Variants in CNTNAP5 observed in about 807,000 individuals in gnomAD.
CNTNAP5 encodes contactin associated protein family member 5, also known as contactin-associated protein-like 5.
In CNTNAP5, 72 loss-of-function variants were observed where a neutral mutation model predicts 150.2. That is an observed-to-expected ratio of 0.48 (90% CI 0.40 to 0.58). CNTNAP5 has a LOEUF of 0.58. CNTNAP5 is among the 20% of genes least tolerant of loss of function. CNTNAP5 has a pLI of 0.00. For missense variants in CNTNAP5, 1,636 were observed against 1,626.2 expected (o/e 1.01, Z -0.10); for synonymous variants, 672 against 619.8 (o/e 1.08, Z -1.25).
rs1193696783 is a variant in CNTNAP5 at position 124,670,169 on chromosome 2, CT to C, written c.2077+22213del. Among the ~76,000 whole-genome samples the C allele has an allele frequency of 9.3e-3, 1,265 of 135,618 alleles. 19 individuals are homozygous for C. Among genetic ancestry groups the C allele is most frequent in the African/African-American group, 0.035 (1,211 of 34,264 alleles). The allele number at this position is 135,618 out of a possible 152,430, so 89.0% of individuals were successfully genotyped here. ...CCTTCCTTCCTTCCTTCCTTCCTTC[CT>C]TCCTTCCTCCCTCTCTTTCTCTTTC... On this transcript the variant is annotated intron_variant, in intron 13 of 23. Coordinates refer to ENST00000682447, the MANE Select transcript of CNTNAP5 (RefSeq NM_001367498.1).
At chr2:124,096,854 C>A (rs112583119) in intron 1 of CNTNAP5, among the ~76,000 whole-genome samples, 14,082 of 152,018 alleles carry the variant, frequency 0.093, 776 homozygotes, top group Non-Finnish European at 0.13. Flanking sequence ...CAGGAGCACA[C>A]CACCATGCCG....
At chr2:124,463,449 G>A (rs1033984974) in intron 6 of CNTNAP5, among the ~76,000 whole-genome samples, 6 of 152,124 alleles carry the variant, frequency 3.9e-5, no homozygotes, top group Admixed American at 6.5e-5. Flanking sequence ...AATATACCCC[G>A]TTGCAAAACC....
chr2:124,766,519 C>T (rs976702472), intron 16 of CNTNAP5, among the ~76,000 whole-genome samples: 2 of 152,052 alleles, frequency 1.3e-5, no homozygotes, highest in South Asian at 2.1e-4. Flanking sequence ...GGAAAAAGAT[C>T]TTCTTAATTG....
At chr2:124,802,693 G>T (rs1558781885) in intron 19 of CNTNAP5, among the ~76,000 whole-genome samples, 1 of 152,148 alleles carries the variant, frequency 6.6e-6, no homozygotes, top group East Asian at 1.9e-4. Context: ...TGATGGCTTT[G>T]CCTTCTCCAC....
intron 4 of CNTNAP5, among the ~76,000 whole-genome samples, chr2:124,432,574 A>G (rs1321853829): frequency 6.6e-6 from 1 of 152,110 alleles, no homozygotes; most frequent in African/African-American, 2.4e-5. Context: ...CCTTCCACTC[A>G]CTGCTGGGCA....
At chr2:124,538,865 A>T (rs1279457442) in intron 10 of CNTNAP5, among the ~76,000 whole-genome samples, 2 of 152,194 alleles carry the variant, frequency 1.3e-5, no homozygotes, top group Non-Finnish European at 1.5e-5. Flanking sequence ...CCTTTACATG[A>T]TCGATATCTC....
At chr2:124,076,958 A>G (rs1482692483) in intron 1 of CNTNAP5, among the ~76,000 whole-genome samples, 1 of 152,156 alleles carries the variant, frequency 6.6e-6, no homozygotes, top group African/African-American at 2.4e-5. Context: ...GGAGCATTTC[A>G]GAACCTCAGT....
chr2:124,792,150 T>G (rs1295542985), intron 18 of CNTNAP5, among the ~76,000 whole-genome samples: 1 of 152,158 alleles, frequency 6.6e-6, no homozygotes, highest in Non-Finnish European at 1.5e-5. Context: ...ATACTGAATA[T>G]ATCTTGGATA....
intron 13 of CNTNAP5, among the ~76,000 whole-genome samples, chr2:124,684,885 A>G (rs1485735870): frequency 6.6e-6 from 1 of 152,144 alleles, no homozygotes; most frequent in African/African-American, 2.4e-5. Context: ...AAGGTCACTG[A>G]GCTAGTGAGT....
At chr2:124,117,816 C>T (rs981406691) in intron 1 of CNTNAP5, among the ~76,000 whole-genome samples, 11 of 152,246 alleles carry the variant, frequency 7.2e-5, no homozygotes, top group Middle Eastern at 3.4e-3. Context: ...CATCTCTGTG[C>T]CTCACTCTCA....
intron 21 of CNTNAP5, among the ~76,000 whole-genome samples, chr2:124,873,065 T>C (rs1311103892): frequency 1.3e-5 from 2 of 152,114 alleles, no homozygotes; most frequent in Admixed American, 6.6e-5. Flanking sequence ...AAATGTTTAA[T>C]TGACTTATGG....
At position 124,707,106 on chromosome 2, in the gene CNTNAP5, A is replaced by G. The variant is rs1247802997; in HGVS notation, c.2078-40123A>G. 6.6e-3 allele frequency among the ~76,000 whole-genome samples: 842 copies of G among 127,840 alleles called. 54 individuals are homozygous for G. Among genetic ancestry groups the G allele is most frequent in the African/African-American group, 0.023 (800 of 34,122 alleles). 83.9% of individuals were successfully genotyped at this position (127,840 alleles called of 152,430 possible). A position where few individuals can be genotyped will look rare whatever the true frequency, so the allele number is the denominator to read the frequency against. On this transcript the variant is annotated intron_variant, in intron 13 of 23. Transcript: ENST00000682447. The stretch of plus-strand genomic sequence containing the variant: ...AAGAGGAAGAAGAAGAAGAGGAAGA[A>G]GAAGAGGAAGAAGAAGAAAGAAGAA...
At chr2:124,798,741 G>A (rs1236982318) in intron 19 of CNTNAP5, among the ~76,000 whole-genome samples, 1 of 152,164 alleles carries the variant, frequency 6.6e-6, no homozygotes, top group Non-Finnish European at 1.5e-5. Context: ...ATTAATAGAA[G>A]GCAATTGTCC....
chr2:124,038,433 T>C (rs767309033), intron 1 of CNTNAP5, among the ~76,000 whole-genome samples: 2 of 152,130 alleles, frequency 1.3e-5, no homozygotes, highest in Non-Finnish European at 2.9e-5. Flanking sequence ...ATTTGTTCAA[T>C]GTCCAGTGCC....
intron 16 of CNTNAP5, among the ~76,000 whole-genome samples, chr2:124,766,520 T>A (rs1369670517): frequency 6.6e-6 from 1 of 152,160 alleles, no homozygotes; most frequent in East Asian, 1.9e-4. Context: ...GAAAAAGATC[T>A]TCTTAATTGG....
chr2:124,537,348 G>T (rs575251759), intron 10 of CNTNAP5, among the ~76,000 whole-genome samples: 1 of 152,266 alleles, frequency 6.6e-6, no homozygotes, highest in East Asian at 1.9e-4. Flanking sequence ...AAATCACAAA[G>T]GTGGTTGTAT....
At chr2:124,704,737 T>G (rs1412693888) in intron 13 of CNTNAP5, among the ~76,000 whole-genome samples, 1 of 152,098 alleles carries the variant, frequency 6.6e-6, no homozygotes, top group Non-Finnish European at 1.5e-5. Context: ...AATCCTGACA[T>G]CATCCGGCTG....
intron 13 of CNTNAP5, among the ~76,000 whole-genome samples, chr2:124,712,869 C>T (rs186211893): frequency 6.6e-6 from 1 of 152,152 alleles, no homozygotes; most frequent in Admixed American, 6.5e-5. Flanking sequence ...GCCTCAGCCT[C>T]CCAAAGCTCT....
chr2:124,261,386 C>A (rs1011890532), intron 3 of CNTNAP5, among the ~76,000 whole-genome samples: 1 of 152,266 alleles, frequency 6.6e-6, no homozygotes, highest in East Asian at 1.9e-4. Flanking sequence ...GAGAACACGT[C>A]GCACTTTATT....
Sources: allele counts gnomAD v4.1 joint callset (sites outside exome capture counted in the v4.1 genomes callset), GRCh38; gene constraint gnomAD v4.1.1; transcripts MANE v1.5; gene names NCBI Gene and HGNC (gene_info 2026-07-23, HGNC 2026-07-21).